Variants in RBFOX1 observed in about 807,000 individuals in gnomAD.
RBFOX1 encodes the protein RNA binding fox-1 homolog 1, also known as RNA binding protein fox-1 homolog 1.
Under a neutral mutation model 57.7 loss-of-function variants are expected in RBFOX1, and 8 were observed. That is an observed-to-expected ratio of 0.14 (90% CI 0.08 to 0.25). The LOEUF is 0.25. Among genes scored for constraint, RBFOX1 ranks in the 10% least tolerant of loss-of-function variants. RBFOX1 has a pLI of 1.00. For missense variants in RBFOX1, 611 were observed against 548.5 expected (o/e 1.11, Z -1.14); for synonymous variants, 326 against 222.4 (o/e 1.47, Z -4.15).
chr16:7,152,597 G>C (rs2076309241), intron 4 of RBFOX1, among the ~76,000 whole-genome samples: 2 of 152,138 alleles, frequency 1.3e-5, no homozygotes, highest in South Asian at 2.1e-4. Flanking sequence ...ATCATTGATA[G>C]TGGCTTCTCT....
At chr16:6,862,724 C>A (rs2059231298) in intron 3 of RBFOX1, among the ~76,000 whole-genome samples, 1 of 152,146 alleles carries the variant, frequency 6.6e-6, no homozygotes. Flanking sequence ...GTGGCTCACA[C>A]CTGTAATCCC....
intron 2 of RBFOX1, among the ~76,000 whole-genome samples, chr16:6,432,442 C>T (rs540184168): frequency 4.0e-5 from 6 of 151,078 alleles, no homozygotes; most frequent in Admixed American, 2.0e-4. Context: ...GAGGGCAAGG[C>T]GGGCGGATCA....
intron 1 of RBFOX1, among the ~76,000 whole-genome samples, chr16:5,335,446 G>C (rs1245479637): frequency 2.0e-5 from 3 of 152,174 alleles, no homozygotes; most frequent in Non-Finnish European, 4.4e-5. Context: ...CAGTGGCTTT[G>C]CTGTCTCCTT....
chr16:6,528,312 G>A (rs2153813998), intron 2 of RBFOX1, among the ~76,000 whole-genome samples: 1 of 152,260 alleles, frequency 6.6e-6, no homozygotes, highest in Middle Eastern at 3.4e-3. Flanking sequence ...CCCAAACTTA[G>A]GATGCCTCAC....
At chr16:5,397,289 C>T (rs143669248) in intron 1 of RBFOX1, among the ~76,000 whole-genome samples, 54 of 152,116 alleles carry the variant, frequency 3.5e-4, no homozygotes, top group African/African-American at 1.3e-3. Flanking sequence ...GTGCTCCAAA[C>T]ATTTCCTTCT....
At chr16:6,622,573 A>G (rs2098248885) in intron 2 of RBFOX1, among the ~76,000 whole-genome samples, 1 of 152,184 alleles carries the variant, frequency 6.6e-6, no homozygotes, top group South Asian at 2.1e-4. Context: ...ATTTCTTAGA[A>G]TGTATCCTGA....
chr16:7,110,509 G>C (rs1164226739), intron 4 of RBFOX1, among the ~76,000 whole-genome samples: 1 of 152,194 alleles, frequency 6.6e-6, no homozygotes, highest in Admixed American at 6.5e-5. Flanking sequence ...GAGCACAGTA[G>C]TTGCATAGTT....
At chr16:6,322,253 G>A (rs1249513485) in intron 2 of RBFOX1, among the ~76,000 whole-genome samples, 1 of 152,106 alleles carries the variant, frequency 6.6e-6, no homozygotes, top group African/African-American at 2.4e-5. Context: ...ACAGATTGCA[G>A]GACTAATATT....
At chr16:6,515,242 A>G (rs2096351562) in intron 2 of RBFOX1, among the ~76,000 whole-genome samples, 1 of 152,172 alleles carries the variant, frequency 6.6e-6, no homozygotes, top group Non-Finnish European at 1.5e-5. Context: ...AAGGATGCTG[A>G]GCAAAGTGGC....
intron 4 of RBFOX1, among the ~76,000 whole-genome samples, chr16:7,241,697 A>T (rs55759351): frequency 0.057 from 8,610 of 152,182 alleles, 666 homozygotes; most frequent in African/African-American, 0.17. Flanking sequence ...CTGGATGACA[A>T]ATGTGATACA....
At chr16:7,291,275 C>A (rs1423312577) in intron 4 of RBFOX1, among the ~76,000 whole-genome samples, 3 of 152,084 alleles carry the variant, frequency 2.0e-5, no homozygotes, top group African/African-American at 7.2e-5. Context: ...AGACAGACAT[C>A]CTTAGTTTTG....
At chr16:7,407,705 T>A (rs966473049) in intron 4 of RBFOX1, among the ~76,000 whole-genome samples, 1 of 152,218 alleles carries the variant, frequency 6.6e-6, no homozygotes, top group Non-Finnish European at 1.5e-5. Flanking sequence ...ACAATGCTGG[T>A]TGATATGCAG....
chr16:7,078,681 A>C (rs1461809055), intron 4 of RBFOX1, among the ~76,000 whole-genome samples: 5 of 143,354 alleles, frequency 3.5e-5, no homozygotes, highest in African/African-American at 2.6e-5. Context: ...TATTTTATTT[A>C]TTTTATTTTA....
At chr16:7,078,862 CCTTTT>C in intron 4 of RBFOX1, among the ~76,000 whole-genome samples, 1 of 38,538 alleles carries the variant, frequency 2.6e-5, no homozygotes, top group African/African-American at 6.2e-5. Flanking sequence ...TATATATATA[CCTTTT>C]TTTTTTTTTT....
intron 2 of RBFOX1, among the ~76,000 whole-genome samples, chr16:6,550,671 A>G (rs1407982340): frequency 6.6e-6 from 1 of 152,198 alleles, no homozygotes; most frequent in African/African-American, 2.4e-5. Flanking sequence ...AGCTTTTTCC[A>G]GCATGAGCCA....
chr16:5,301,600 C>G (rs532162246), intron 1 of RBFOX1, among the ~76,000 whole-genome samples: 1 of 117,258 alleles, frequency 8.5e-6, no homozygotes, highest in African/African-American at 3.0e-5. Flanking sequence ...GCCTGGGTGA[C>G]ACAGCAAGTC....
At chr16:6,200,145 T>C (rs1415386441) in intron 1 of RBFOX1, among the ~76,000 whole-genome samples, 1 of 152,132 alleles carries the variant, frequency 6.6e-6, no homozygotes, top group Non-Finnish European at 1.5e-5. Flanking sequence ...AGGGAACACC[T>C]TGATTCTGAA....
chr16:7,043,282 A>G (rs920770359), intron 3 of RBFOX1, among the ~76,000 whole-genome samples: 2 of 152,204 alleles, frequency 1.3e-5, no homozygotes, highest in Admixed American at 6.5e-5. Flanking sequence ...TTTCTATCAC[A>G]TACGACCCTG....
intron 4 of RBFOX1, among the ~76,000 whole-genome samples, chr16:7,365,280 C>T (rs368694283): frequency 1.3e-5 from 2 of 152,172 alleles, no homozygotes; most frequent in African/African-American, 2.4e-5. Context: ...ATGTAAAGGA[C>T]CTTGCCACTT....
Sources: gnomAD v4.1 joint callset for allele counts (sites outside exome capture counted in the v4.1 genomes callset) on GRCh38, gnomAD v4.1.1 for gene constraint, MANE v1.5 for transcripts, NCBI Gene and HGNC (gene_info 2026-07-23, HGNC 2026-07-21) for gene names.